Variants in SLC67A1 observed in about 807,000 individuals in gnomAD.
SLC67A1 encodes the protein solute carrier family 67 member A1.
At chr11:2,923,290 C>T in the SLC67A1 span, among the ~76,000 whole-genome samples, 1 of 151,938 alleles carries the variant, frequency 6.6e-6, no homozygotes, top group African/African-American at 2.4e-5. The surrounding 1 kb of genome is among the most constrained non-coding windows in gnomAD (Gnocchi z 6.5). Flanking sequence ...TCAGGGCACA[C>T]ATCTGACACT....
the SLC67A1 span, chr11:2,915,052 G>C: frequency 1.0e-6 from 1 of 985,370 alleles, no homozygotes; most frequent in Non-Finnish European, 1.2e-6. Context: ...GCAGGAGTCG[G>C]AGCTGCCCTG....
the SLC67A1 span, chr11:2,914,807 C>G: frequency 9.1e-6 from 9 of 985,426 alleles, no homozygotes; most frequent in Non-Finnish European, 1.1e-5. Context: ...AGCTGTGACA[C>G]GCAGGCCTCT....
chr11:2,904,068 G>A, the SLC67A1 span, among the ~76,000 whole-genome samples: 1 of 152,220 alleles, frequency 6.6e-6, no homozygotes, highest in Admixed American at 6.5e-5. Flanking sequence ...TTAGTTTAGT[G>A]TATCATTCAG....
chr11:2,908,236 C>T, the SLC67A1 span: 10 of 1,613,226 alleles, frequency 6.2e-6, no homozygotes, highest in Middle Eastern at 3.3e-4. Context: ...GTTTCAGTAC[C>T]TGTCTCGGAA....
At chr11:2,918,101 T>C in the SLC67A1 span, 1 of 1,607,128 alleles carries the variant, frequency 6.2e-7, no homozygotes, top group East Asian at 2.2e-5. Flanking sequence ...CACAGGTGAG[T>C]CCCAACTACT....
At chr11:2,900,010 C>A in the SLC67A1 span, among the ~76,000 whole-genome samples, 5 of 152,144 alleles carry the variant, frequency 3.3e-5, no homozygotes, top group African/African-American at 1.2e-4. Context: ...CATGTGGATG[C>A]CCATCCTCCC....
chr11:2,917,070 AC>A, the SLC67A1 span: 280,274 of 293,488 alleles, frequency 0.95, 134,162 homozygotes, highest in Non-Finnish European at 0.98. Context: ...ACCAGGAGGG[AC>A]CCCCCCAATG....
chr11:2,915,765 G>C, the SLC67A1 span, among the ~76,000 whole-genome samples: 1 of 152,236 alleles, frequency 6.6e-6, no homozygotes, highest in Non-Finnish European at 1.5e-5. Context: ...GACGAGCTCA[G>C]TAGGAAGCCC....
chr11:2,905,317 AG>A, the SLC67A1 span, among the ~76,000 whole-genome samples: 1 of 152,236 alleles, frequency 6.6e-6, no homozygotes, highest in African/African-American at 2.4e-5. Flanking sequence ...ACCATCGTGG[AG>A]GAGGGAAGAA....
the SLC67A1 span, chr11:2,899,875 G>A: frequency 3.0e-6 from 2 of 675,526 alleles, no homozygotes; most frequent in Non-Finnish European, 4.8e-6. Flanking sequence ...ACACCTCTGG[G>A]CAGTTTGGTA....
chr11:2,908,235 CCTGTCTCGGAAA>C, the SLC67A1 span: 2 of 1,611,886 alleles, frequency 1.2e-6, no homozygotes, highest in Non-Finnish European at 1.7e-6. Context: ...TGTTTCAGTA[CCTGTCTCGGAAA>C]CTGGGCCTGG....
chr11:2,915,297 GCGCA>G, the SLC67A1 span: 1 of 904,884 alleles, frequency 1.1e-6, no homozygotes, highest in Non-Finnish European at 1.3e-6. Flanking sequence ...GTGTGTGTGT[GCGCA>G]TGTGGCTGCG....
At chr11:2,909,224 G>A in the SLC67A1 span, 1 of 1,539,248 alleles carries the variant, frequency 6.5e-7, no homozygotes, top group Non-Finnish European at 8.7e-7. Flanking sequence ...GGCGCGGGCG[G>A]CGCTCACGCT....
At chr11:2,905,353 G>A in the SLC67A1 span, among the ~76,000 whole-genome samples, 1 of 152,218 alleles carries the variant, frequency 6.6e-6, no homozygotes, top group Non-Finnish European at 1.5e-5. Flanking sequence ...TGTCACTCCA[G>A]TGGGAGGCCT....
At chr11:2,915,484 G>T in the SLC67A1 span, among the ~76,000 whole-genome samples, 12 of 152,176 alleles carry the variant, frequency 7.9e-5, no homozygotes, top group Admixed American at 7.9e-4. Context: ...TGAGGTTGGG[G>T]CAGAACTTGT....
chr11:2,911,894 C>T, the SLC67A1 span, among the ~76,000 whole-genome samples: 7 of 152,338 alleles, frequency 4.6e-5, no homozygotes, highest in Non-Finnish European at 7.4e-5. Context: ...GCTGCCAAGA[C>T]GGCCTCTACC....
the SLC67A1 span, chr11:2,899,834 T>C: frequency 3.0e-6 from 3 of 1,001,278 alleles, no homozygotes; most frequent in Admixed American, 5.8e-5. Context: ...CCACCACACC[T>C]CAGCGCCAGA....
At chr11:2,922,271 C>T in the SLC67A1 span, 4 of 1,533,410 alleles carry the variant, frequency 2.6e-6, no homozygotes, top group Non-Finnish European at 3.6e-6. Flanking sequence ...TGGGCGGTAC[C>T]ATCTGTGCTT....
chr11:2,917,006 G>GAGGCCCAGAGAGGCAGGA, the SLC67A1 span: 1 of 532,814 alleles, frequency 1.9e-6, no homozygotes, highest in Non-Finnish European at 3.4e-6. Context: ...GTTAGGAGGG[G>GAGGCCCAGAGAGGCAGGA]AGGCCCAGAC....
Sources: gnomAD v4.1 joint callset for allele counts (sites outside exome capture counted in the v4.1 genomes callset) on GRCh38, gnomAD v4.1.1 for gene constraint, Gnocchi (gnomAD v3.1) non-coding constraint, MANE v1.5 for transcripts, NCBI Gene and HGNC (gene_info 2026-07-23, HGNC 2026-07-21) for gene names.